PTPRD: variants seen among roughly 807,000 people sequenced by gnomAD.
PTPRD encodes protein tyrosine phosphatase receptor type D.
Under a neutral mutation model 214.5 loss-of-function variants are expected in PTPRD, and 34 were observed. The ratio of observed to expected loss-of-function variants is 0.16; its 90% CI spans 0.12 to 0.21. PTPRD has a LOEUF of 0.21. PTPRD is among the 10% of genes least tolerant of loss of function. The probability of loss-of-function intolerance (pLI) is 1.00; values close to 1 mark genes in which losing one functional copy is unlikely to be tolerated. For synonymous variants in PTPRD, 1,128 were observed against 845.7 expected (o/e 1.33, Z -5.79); for missense variants, 2,545 against 2,398.7 (o/e 1.06, Z -1.27).
chr9:8,960,750 C>T (rs1003589045), intron 11 of PTPRD, among the ~76,000 whole-genome samples: 1 of 152,076 alleles, frequency 6.6e-6, no homozygotes, highest in Non-Finnish European at 1.5e-5. Context: ...ACTATTGAAG[C>T]TGGCAAATTA....
intron 3 of PTPRD, among the ~76,000 whole-genome samples, chr9:10,063,345 A>G (rs449090): frequency 0.21 from 31,835 of 152,010 alleles, 8,116 homozygotes; most frequent in African/African-American, 0.61. Context: ...CCCACTATAC[A>G]TATCAGTTGT....
intron 10 of PTPRD, among the ~76,000 whole-genome samples, chr9:9,097,374 G>C (rs570898268): frequency 6.6e-6 from 1 of 151,944 alleles, no homozygotes; most frequent in South Asian, 2.1e-4. Flanking sequence ...GGTTTAAAGA[G>C]GCCACAGGTT....
At chr9:8,861,564 G>A (rs1188706618) in intron 11 of PTPRD, 1 of 152,098 alleles carries the variant, frequency 6.6e-6, no homozygotes, top group Non-Finnish European at 1.5e-5. Flanking sequence ...ATATAAGTGA[G>A]GAAACAGGAC....
At chr9:8,492,482 T>C (rs956174244) in intron 27 of PTPRD, among the ~76,000 whole-genome samples, 7 of 152,160 alleles carry the variant, frequency 4.6e-5, no homozygotes, top group South Asian at 2.1e-4. Flanking sequence ...TTTTATTATA[T>C]ACTCGTTTTG....
At chr9:9,573,409 CT>C (rs973373893) in intron 8 of PTPRD, among the ~76,000 whole-genome samples, 125 of 147,848 alleles carry the variant, frequency 8.5e-4, no homozygotes, top group African/African-American at 2.9e-3. Flanking sequence ...CTCTAATGTT[CT>C]TTTTTTAAAA....
At chr9:9,406,672 G>A (rs1458106593) in intron 8 of PTPRD, among the ~76,000 whole-genome samples, 1 of 151,816 alleles carries the variant, frequency 6.6e-6, no homozygotes, top group African/African-American at 2.4e-5. Context: ...TTTGAGAGCA[G>A]GGAGCAGGAT....
intron 5 of PTPRD, among the ~76,000 whole-genome samples, chr9:9,835,471 AT>A (rs2056476021): frequency 6.6e-6 from 1 of 152,140 alleles, no homozygotes; most frequent in African/African-American, 2.4e-5. Flanking sequence ...AGTGATGTAC[AT>A]TGTATTGTTG....
intron 6 of PTPRD, among the ~76,000 whole-genome samples, chr9:9,758,869 C>T (rs2098619122): frequency 6.6e-6 from 1 of 150,944 alleles, no homozygotes; most frequent in South Asian, 2.1e-4. Context: ...TTAAAATAAT[C>T]AAAACTAATT....
At chr9:8,538,813 T>A (rs1425849437) in intron 14 of PTPRD, among the ~76,000 whole-genome samples, 1 of 151,950 alleles carries the variant, frequency 6.6e-6, no homozygotes, top group Non-Finnish European at 1.5e-5. Context: ...GGTCACACCT[T>A]GTATTCAGAT....
intron 9 of PTPRD, among the ~76,000 whole-genome samples, chr9:9,312,109 A>G (rs1329733019): frequency 1.3e-5 from 2 of 152,230 alleles, no homozygotes; most frequent in Admixed American, 6.5e-5. Flanking sequence ...TGCCTCACAG[A>G]TCATAAACAT....
chr9:9,141,010 A>G (rs1156793098), intron 10 of PTPRD, among the ~76,000 whole-genome samples: 4 of 152,140 alleles, frequency 2.6e-5, no homozygotes, highest in African/African-American at 9.7e-5. Context: ...ACATATAAAC[A>G]AAATTATATG....
chr9:8,682,278 C>T (rs926062841), intron 12 of PTPRD, among the ~76,000 whole-genome samples: 1 of 152,146 alleles, frequency 6.6e-6, no homozygotes, highest in Non-Finnish European at 1.5e-5. Context: ...AATGAGACTT[C>T]GACTCCTACC....
chr9:9,172,738 A>G (rs551988168), intron 10 of PTPRD, among the ~76,000 whole-genome samples: 2 of 152,226 alleles, frequency 1.3e-5, no homozygotes, highest in African/African-American at 4.8e-5. Context: ...ACATCCAGGT[A>G]GCTCTAAGCA....
At chr9:10,418,631 T>A (rs1183448042) in intron 2 of PTPRD, among the ~76,000 whole-genome samples, 3 of 151,904 alleles carry the variant, frequency 2.0e-5, no homozygotes, top group African/African-American at 7.2e-5. Flanking sequence ...CACCCTAGAA[T>A]ATTCAGCAAT....
At chr9:8,434,330 C>G (rs1322444653) in intron 35 of PTPRD, among the ~76,000 whole-genome samples, 1 of 152,120 alleles carries the variant, frequency 6.6e-6, no homozygotes. Context: ...TTTGTTTAAA[C>G]ACACAAATAG....
In PTPRD at chr9:9,969,505, T is replaced by C. The variant is rs989088900; in HGVS notation, c.-471-30895A>G. On this transcript the variant is annotated intron_variant, in intron 4 of 45. Coordinates refer to ENST00000381196, the MANE Select transcript of PTPRD (RefSeq NM_002839.4). ...CAACTTACTCAACCTCTGCTTTTAA[T>C]GGAGTTTCAAGTCTTGGAAGCAAAA... is the stretch of plus-strand genomic sequence containing the variant. Among the ~76,000 whole-genome samples the C allele has an allele frequency of 2.6e-5, 4 of 152,242 alleles. 1 individual carries two copies. The South Asian group carries it at 6.2e-4, about 24-fold the overall frequency.
chr9:10,248,716 T>C (rs896214089), intron 3 of PTPRD, among the ~76,000 whole-genome samples: 2 of 152,112 alleles, frequency 1.3e-5, no homozygotes, highest in Admixed American at 6.6e-5. Flanking sequence ...CTTTTGGACG[T>C]GCCTTCTTTA....
intron 2 of PTPRD, among the ~76,000 whole-genome samples, chr9:10,449,112 G>T (rs557339161): frequency 6.6e-6 from 1 of 151,958 alleles, no homozygotes; most frequent in Non-Finnish European, 1.5e-5. Context: ...CTGTACTGCC[G>T]CCATCTCGGC....
At chr9:9,947,572 AT>A (rs2092917692) in intron 4 of PTPRD, among the ~76,000 whole-genome samples, 1 of 47,624 alleles carries the variant, frequency 2.1e-5, no homozygotes, top group African/African-American at 1.3e-4. Context: ...TTTTATATAT[AT>A]ATTATATATA....
Sources: gnomAD v4.1 joint callset for allele counts (sites outside exome capture counted in the v4.1 genomes callset) on GRCh38, gnomAD v4.1.1 for gene constraint, MANE v1.5 for transcripts, NCBI Gene and HGNC (gene_info 2026-07-23, HGNC 2026-07-21) for gene names.